Variants in CIRSR observed in about 807,000 individuals in gnomAD.
CIRSR encodes the protein CBF1 (RBPJ) interacting corepressor 1.
At chr2:174,391,080 T>C in the CIRSR span, among the ~76,000 whole-genome samples, 1 of 152,228 alleles carries the variant, frequency 6.6e-6, no homozygotes, top group African/African-American at 2.4e-5. Flanking sequence ...ATTGTGGGAC[T>C]ATACCATAAT....
At chr2:174,375,333 C>T in the CIRSR span, among the ~76,000 whole-genome samples, 1 of 152,154 alleles carries the variant, frequency 6.6e-6, no homozygotes, top group East Asian at 1.9e-4. Context: ...TTTGGCTGGG[C>T]ACGGTATATC....
the CIRSR span, among the ~76,000 whole-genome samples, chr2:174,382,875 A>G: frequency 6.6e-6 from 1 of 152,206 alleles, no homozygotes; most frequent in Non-Finnish European, 1.5e-5. Flanking sequence ...AATAATAAAG[A>G]AGGAGGCTAA....
the CIRSR span, among the ~76,000 whole-genome samples, chr2:174,383,209 A>G: frequency 6.6e-6 from 1 of 152,234 alleles, no homozygotes; most frequent in African/African-American, 2.4e-5. Context: ...CTATAGAGAC[A>G]GCAAGTAAAT....
chr2:174,348,471 TAC>T, the CIRSR span: 2 of 1,569,244 alleles, frequency 1.3e-6, no homozygotes, highest in Non-Finnish European at 1.7e-6. Context: ...AATTGTCACA[TAC>T]AGTCTTTCTT....
At chr2:174,373,238 C>G in the CIRSR span, among the ~76,000 whole-genome samples, 1 of 152,166 alleles carries the variant, frequency 6.6e-6, no homozygotes, top group Non-Finnish European at 1.5e-5. Context: ...TATTTGTTCT[C>G]AAACCATGTC....
the CIRSR span, chr2:174,358,282 C>T: frequency 6.6e-6 from 1 of 152,100 alleles, no homozygotes; most frequent in Non-Finnish European, 1.5e-5. Context: ...CTCTATCGCC[C>T]AGGCTGAAGT....
At chr2:174,362,686 C>CAAAAAA in the CIRSR span, among the ~76,000 whole-genome samples, 3 of 20,682 alleles carry the variant, frequency 1.5e-4, no homozygotes, top group African/African-American at 2.1e-4. Flanking sequence ...GACTCTGCCT[C>CAAAAAA]AAAAAAAAAA....
the CIRSR span, chr2:174,395,580 GAA>G: frequency 6.2e-7 from 1 of 1,614,236 alleles, no homozygotes; most frequent in Non-Finnish European, 8.5e-7. Flanking sequence ...GAGGCAGGAT[GAA>G]AGTCTTTCTT....
At chr2:174,349,242 C>T in the CIRSR span, 2 of 845,720 alleles carry the variant, frequency 2.4e-6, no homozygotes, top group Non-Finnish European at 3.5e-6. Flanking sequence ...AAGTTATGAA[C>T]AAACAATATA....
chr2:174,359,426 T>A, the CIRSR span, among the ~76,000 whole-genome samples: 1 of 151,992 alleles, frequency 6.6e-6, no homozygotes, highest in African/African-American at 2.4e-5. Context: ...CTATATATTA[T>A]ATATCTCTCT....
chr2:174,384,959 C>T, the CIRSR span, among the ~76,000 whole-genome samples: 1 of 151,964 alleles, frequency 6.6e-6, no homozygotes, highest in African/African-American at 2.4e-5. Context: ...CCTGTAATCC[C>T]AGCACTTTGG....
the CIRSR span, among the ~76,000 whole-genome samples, chr2:174,372,589 T>C: frequency 1.3e-5 from 2 of 152,196 alleles, no homozygotes; most frequent in Admixed American, 1.3e-4. Context: ...ATTAGATATC[T>C]AGGTGTTCTT....
chr2:174,356,185 G>T, the CIRSR span, among the ~76,000 whole-genome samples: 1,090 of 152,186 alleles, frequency 7.2e-3, 9 homozygotes, highest in African/African-American at 0.025. Flanking sequence ...GCCTTTCCTG[G>T]CCAGGCGCAG....
chr2:174,360,173 C>T, the CIRSR span, among the ~76,000 whole-genome samples: 27 of 152,238 alleles, frequency 1.8e-4, 1 homozygote, highest in African/African-American at 6.0e-4. Flanking sequence ...ACAAACTGCA[C>T]GTTGTGCACA....
the CIRSR span, among the ~76,000 whole-genome samples, chr2:174,362,946 T>C: frequency 1.4e-4 from 22 of 151,920 alleles, no homozygotes; most frequent in Admixed American, 7.9e-4. Flanking sequence ...CTTTCATGAG[T>C]TTTATTTCCA....
the CIRSR span, chr2:174,381,750 C>T: frequency 4.4e-6 from 7 of 1,596,948 alleles, no homozygotes; most frequent in Non-Finnish European, 6.0e-6. Context: ...TAAGGCCATT[C>T]TTTACACGTT....
At chr2:174,380,152 C>G in the CIRSR span, 17 of 1,274,180 alleles carry the variant, frequency 1.3e-5, no homozygotes, top group Non-Finnish European at 1.9e-5. Context: ...TATAAAGATA[C>G]ATTTATTAAA....
At chr2:174,388,974 G>C in the CIRSR span, among the ~76,000 whole-genome samples, 2 of 152,176 alleles carry the variant, frequency 1.3e-5, no homozygotes, top group African/African-American at 2.4e-5. Flanking sequence ...TGTGAGGAAG[G>C]ACATGTTTGC....
At chr2:174,355,117 C>G in the CIRSR span, among the ~76,000 whole-genome samples, 2 of 152,106 alleles carry the variant, frequency 1.3e-5, no homozygotes, top group African/African-American at 4.8e-5. Flanking sequence ...TCTACTTTCA[C>G]ATTATTATGA....
Sources: gnomAD v4.1 joint callset for allele counts (sites outside exome capture counted in the v4.1 genomes callset) on GRCh38, gnomAD v4.1.1 for gene constraint, MANE v1.5 for transcripts, NCBI Gene and HGNC (gene_info 2026-07-23, HGNC 2026-07-21) for gene names.